Variants in COLEC10 observed in about 807,000 individuals in gnomAD.
COLEC10 encodes collectin-10.
A neutral mutation model predicts 28.4 loss-of-function variants in COLEC10; 22 were observed. The observed-to-expected ratio is 0.78, with a 90% CI of 0.55 to 1.11. The LOEUF (loss-of-function observed/expected upper bound fraction) is 1.11. Ranked by LOEUF, COLEC10 falls within the 50% of genes least tolerant of loss-of-function variation. The pLI, the probability that COLEC10 is intolerant of heterozygous loss-of-function variation, is 0.00. For missense variants in COLEC10, 361 were observed against 344.1 expected (o/e 1.05, Z -0.39); for synonymous variants, 125 against 116.1 (o/e 1.08, Z -0.49).
At chr8:119,102,632 A>G in intron 4 of COLEC10, 1 of 427,766 alleles carries the variant, frequency 2.3e-6, no homozygotes, top group Non-Finnish European at 4.1e-6. Flanking sequence ...GCTTACTATG[A>G]GAAGAAAGCC....
intron 1 of COLEC10, among the ~76,000 whole-genome samples, chr8:119,086,049 T>C (rs1175044234): frequency 6.6e-6 from 1 of 152,188 alleles, no homozygotes; most frequent in Admixed American, 6.5e-5. Flanking sequence ...AATTCACTAC[T>C]TTTTAATAAG....
chr8:119,072,550 T>C (rs538037138), intron 1 of COLEC10, among the ~76,000 whole-genome samples: 1 of 152,212 alleles, frequency 6.6e-6, no homozygotes, highest in South Asian at 2.1e-4. Flanking sequence ...GAAGAGGAAA[T>C]TAAAACCCAG....
intron 1 of COLEC10, among the ~76,000 whole-genome samples, chr8:119,089,157 C>G (rs757174475): frequency 2.0e-5 from 3 of 152,194 alleles, no homozygotes; most frequent in Admixed American, 6.5e-5. Flanking sequence ...TTTAATTCTT[C>G]AAGGTGCTGG....
chr8:119,060,371 G>A (rs1002603749), intron 2 of COLEC10, among the ~76,000 whole-genome samples: 1 of 152,112 alleles, frequency 6.6e-6, no homozygotes, highest in African/African-American at 2.4e-5. Context: ...CATATACTAT[G>A]TGTTTTGAAT....
chr8:119,091,272 G>T (rs1043115238), intron 3 of COLEC10, 52 bp downstream of exon 3: 1 of 1,339,422 alleles, frequency 7.5e-7, no homozygotes. Context: ...AATTGAGGCC[G>T]GGTACGATGG....
At chr8:119,027,831 C>A (rs77625208) in intron 2 of COLEC10, among the ~76,000 whole-genome samples, 6,688 of 152,266 alleles carry the variant, frequency 0.044, 213 homozygotes, top group East Asian at 0.16. Context: ...TCGATGCTAC[C>A]TTGCCTCTTC....
chr8:118,973,213 G>C, the COLEC10 span, among the ~76,000 whole-genome samples: 1 of 151,976 alleles, frequency 6.6e-6, no homozygotes. Flanking sequence ...TTCCGTTTTA[G>C]TTATGTATTA....
At chr8:119,019,767 A>G (rs574434562) in intron 2 of COLEC10, among the ~76,000 whole-genome samples, 19 of 152,314 alleles carry the variant, frequency 1.2e-4, no homozygotes, top group African/African-American at 4.6e-4. Context: ...TTGCCGTCTC[A>G]TATGATGATG....
At position 119,106,303 on chromosome 8, in the gene COLEC10, A is replaced by C; in HGVS notation, c.*112A>C. The C allele has an allele frequency of 1.7e-6, 2 of 1,169,346 alleles. No homozygotes were observed. Among genetic ancestry groups the C allele is most frequent in the South Asian group, 3.1e-5 (2 of 65,454 alleles). 72.4% of individuals were successfully genotyped at this position (1,169,346 alleles called of 1,614,324 possible). A position where few individuals can be genotyped will look rare whatever the true frequency, so the allele number is the denominator to read the frequency against. ...TTTGATCTGAGTCAACATAGCTAGA[A>C]AATGCTAAACTGAGGTATGGAGCCT... On this transcript the variant is annotated 3_prime_UTR_variant, in exon 6 of 6. Transcript: ENST00000332843.
At chr8:118,977,723 G>A in the COLEC10 span, among the ~76,000 whole-genome samples, 1 of 144,108 alleles carries the variant, frequency 6.9e-6, no homozygotes, top group African/African-American at 2.7e-5. Flanking sequence ...TTGTGCACAT[G>A]TACCCTAAAA....
intron 3 of COLEC10, among the ~76,000 whole-genome samples, chr8:119,091,688 T>C (rs2130283451): frequency 6.6e-6 from 1 of 152,284 alleles, no homozygotes; most frequent in East Asian, 1.9e-4. Context: ...AAATATCTCC[T>C]TTTCCTTCTT....
intron 1 of COLEC10, among the ~76,000 whole-genome samples, chr8:119,070,551 C>CCTCT (rs375495149): frequency 1.9e-5 from 1 of 52,914 alleles, no homozygotes; most frequent in Non-Finnish European, 3.5e-5. Flanking sequence ...TCTCCCTCTC[C>CCTCT]CTCTCTCTCT....
the COLEC10 span, among the ~76,000 whole-genome samples, chr8:118,967,816 C>T: frequency 2.6e-5 from 4 of 152,100 alleles, no homozygotes; most frequent in South Asian, 8.3e-4. Context: ...TTTCATTAAT[C>T]ATATTAGCAT....
chr8:119,054,583 A>G (rs1290375513), intron 2 of COLEC10, among the ~76,000 whole-genome samples: 2 of 152,152 alleles, frequency 1.3e-5, no homozygotes, highest in African/African-American at 2.4e-5. Flanking sequence ...ATACTAAAAC[A>G]TAAACCTAGT....
At position 119,012,645 on chromosome 8, in the gene COLEC10, A is replaced by G. The variant is rs1288607959; in HGVS notation, n.235+3092A>G. ...GTTATTAATTATTAATTCAATTTAT[A>G]TAATAGATATAGGACTATTCAGATT... On this transcript the variant is annotated intron_variant and non_coding_transcript_variant, in intron 2 of 6. Transcript: ENST00000521788. 2.0e-5 allele frequency among the ~76,000 whole-genome samples: 3 copies of G among 150,920 alleles called. 1 individual carries two copies. Among genetic ancestry groups the G allele is most frequent in the South Asian group, 2.1e-4 (1 of 4,824 alleles).
rs1815885766 is a variant in COLEC10 at position 119,103,787 on chromosome 8, TG to T, written c.347-12del. ...TACTTCAACATGAATTCACAGTTTT[TG>T]TCATTTAAAAGGTACTGTCTGTGAT... On this transcript the variant is annotated splice_polypyrimidine_tract_variant and intron_variant, in intron 4 of 5. Coordinates refer to ENST00000332843, the MANE Select transcript of COLEC10 (RefSeq NM_006438.5). 1 of 1,550,330 alleles carries T rather than the reference TG, an allele frequency of 6.5e-7. No homozygotes were observed. Among genetic ancestry groups the T allele is most frequent in the Non-Finnish European group, 8.9e-7 (1 of 1,122,798 alleles).
intron 3 of COLEC10, among the ~76,000 whole-genome samples, chr8:119,091,595 G>GAGAGAAAGAAAGAAAGAAAGAA (rs1250359009): frequency 5.8e-5 from 8 of 138,572 alleles, no homozygotes; most frequent in African/African-American, 2.2e-4. Context: ...GAGAGAGAGA[G>GAGAGAAAGAAAGAAAGAAAGAA]AGAAAGAAAG....
chr8:119,039,184 A>T (rs1814446113), intron 2 of COLEC10, among the ~76,000 whole-genome samples: 1 of 152,016 alleles, frequency 6.6e-6, no homozygotes, highest in Non-Finnish European at 1.5e-5. Flanking sequence ...ATTCTGGAAC[A>T]TGCTCTTTCT....
chr8:119,051,125 TA>T (rs944175897), intron 2 of COLEC10, among the ~76,000 whole-genome samples: 2 of 150,934 alleles, frequency 1.3e-5, no homozygotes, highest in Non-Finnish European at 3.0e-5. Flanking sequence ...GTGTGAGATT[TA>T]AAAAAAAATG....
Sources: allele counts gnomAD v4.1 joint callset (sites outside exome capture counted in the v4.1 genomes callset), GRCh38; gene constraint gnomAD v4.1.1; transcripts MANE v1.5; gene names NCBI Gene and HGNC (gene_info 2026-07-23, HGNC 2026-07-21).